Variants in CATSPERD observed in about 807,000 individuals in gnomAD.
CATSPERD encodes cation channel sperm-associated auxiliary subunit delta.
In CATSPERD, 86 loss-of-function variants were observed where a neutral mutation model predicts 98.1. The observed-to-expected ratio is 0.88, with a 90% CI of 0.74 to 1.05. The LOEUF (loss-of-function observed/expected upper bound fraction) is 1.05, where lower values mean the gene tolerates loss of function less well. Ranked by LOEUF, CATSPERD falls within the 50% of genes least tolerant of loss-of-function variation. The probability of loss-of-function intolerance (pLI) is 0.00; values close to 1 mark genes in which losing one functional copy is unlikely to be tolerated. For missense variants in CATSPERD, 995 were observed against 1,005.7 expected (o/e 0.99, Z 0.14); for synonymous variants, 394 against 390.2 (o/e 1.01, Z -0.12).
chr19:5,725,387 G>T (rs1453244686), intron 2 of CATSPERD, among the ~76,000 whole-genome samples: 3 of 152,072 alleles, frequency 2.0e-5, no homozygotes, highest in African/African-American at 7.2e-5. Context: ...CTGGACTTAA[G>T]TAACCTACCT....
At chr19:5,724,216 G>A (rs761688473) in intron 1 of CATSPERD, among the ~76,000 whole-genome samples, 3 of 151,716 alleles carry the variant, frequency 2.0e-5, no homozygotes, top group Non-Finnish European at 4.4e-5. Context: ...GTGAGCCACC[G>A]CACCTGGCTC....
At chr19:5,753,561 CA>C (rs374878871) in intron 12 of CATSPERD, 46,069 of 308,820 alleles carry the variant, frequency 0.15, 98 homozygotes, top group South Asian at 0.21. Flanking sequence ...GACTCTGTCT[CA>C]AAAAAAAAAA....
At position 5,776,453 on chromosome 19, in the gene CATSPERD, T is replaced by A. The variant is rs2144705680; in HGVS notation, c.2096+138T>A. ...CAGGCCGTCCCCAGGACAAGTGATG[T>A]TTTAAGTTCTGGGTGACATTTGTTC... is the stretch of plus-strand genomic sequence containing the variant. On this transcript the variant is annotated intron_variant, in intron 21 of 21. Coordinates refer to ENST00000381624, the MANE Select transcript of CATSPERD (RefSeq NM_152784.4). 3.3e-6 allele frequency: 3 copies of A among 919,102 alleles called. No individual in the cohort carries two copies. In the East Asian group the frequency reaches 7.9e-5, roughly 24 times the overall value. 56.9% of individuals were successfully genotyped at this position (919,102 alleles called of 1,614,324 possible). A position where few individuals can be genotyped will look rare whatever the true frequency, so the allele number is the denominator to read the frequency against.
Position 5,773,039 on chromosome 19 carries a change from G to A in CATSPERD, c.1941+74G>A, listed in dbSNP as rs1599599862. On this transcript the variant is annotated intron_variant, in intron 20 of 21. Coordinates refer to ENST00000381624, the MANE Select transcript of CATSPERD (RefSeq NM_152784.4). Reference sequence around the variant, plus strand: ...GGGTGGGAGAGTGCGTGAGGACACCGTGCGGCCATGGAACTGAGTATGGAA... The same window carrying A: ...GGGTGGGAGAGTGCGTGAGGACACCATGCGGCCATGGAACTGAGTATGGAA... 43 of 1,440,610 alleles carry A rather than the reference G, an allele frequency of 3.0e-5. No individual in the cohort carries two copies. The East Asian group carries it at 6.0e-4, about 20-fold the overall frequency. 89.2% of individuals were successfully genotyped at this position (1,440,610 alleles called of 1,614,324 possible).
chr19:5,760,793 T>A (rs1010923977), intron 15 of CATSPERD, among the ~76,000 whole-genome samples: 1 of 151,662 alleles, frequency 6.6e-6, no homozygotes, highest in Non-Finnish European at 1.5e-5. Context: ...ACTCAGGAGA[T>A]CCATAGCAAC....
intron 14 of CATSPERD, among the ~76,000 whole-genome samples, chr19:5,758,758 G>T (rs958038945): frequency 4.1e-5 from 6 of 147,666 alleles, no homozygotes; most frequent in Non-Finnish European, 3.0e-5. Flanking sequence ...AAAAAGAGAA[G>T]AAAAAAAAGG....
chr19:5,765,794 A>G (rs2056527499), intron 16 of CATSPERD, among the ~76,000 whole-genome samples: 1 of 152,110 alleles, frequency 6.6e-6, no homozygotes, highest in Non-Finnish European at 1.5e-5. Context: ...CCTGGGTGAC[A>G]GAGCAAAAAC....
intron 1 of CATSPERD, among the ~76,000 whole-genome samples, chr19:5,723,143 C>T (rs1239068003): frequency 3.4e-5 from 5 of 146,502 alleles, no homozygotes; most frequent in South Asian, 4.4e-4. Context: ...GCTGAGATCG[C>T]GCCACTGCAC....
At chr19:5,739,851 A>AAAAGAAAAAAAAG (rs1301984788) in intron 7 of CATSPERD, among the ~76,000 whole-genome samples, 1 of 151,718 alleles carries the variant, frequency 6.6e-6, no homozygotes, top group South Asian at 2.1e-4. Flanking sequence ...AAAAAAAAAA[A>AAAAGAAAAAAAAG]AAGTCCACTG....
Position 5,750,829 on chromosome 19 carries a change from C to T in CATSPERD, c.988-818C>T, listed in dbSNP as rs117612549. On this transcript the variant is annotated intron_variant, in intron 11 of 21. Transcript: ENST00000381624. ...CTTATGACTGTGTTTCCTCCCTCCC[C>T]CAGCCCTCTCTCCCTTCTTTCCTTT... Among the ~76,000 whole-genome samples the T allele has an allele frequency of 1.0e-2, 1,521 of 152,154 alleles. 14 individuals are homozygous for T. The highest frequency in any genetic ancestry group is 0.037 in the Middle Eastern group (11 of 294).
intron 1 of CATSPERD, among the ~76,000 whole-genome samples, chr19:5,721,307 C>T (rs376848109): frequency 6.6e-6 from 1 of 151,984 alleles, no homozygotes; most frequent in Admixed American, 6.6e-5. Context: ...GGGCCTAGCC[C>T]TCCCACTTCT....
intron 9 of CATSPERD, 116 bp from the exon 10 acceptor site, chr19:5,748,044 A>G: frequency 1.3e-6 from 1 of 742,872 alleles, no homozygotes; most frequent in Admixed American, 2.2e-5. Context: ...GAACATCGAA[A>G]GAGCCACTGG....
chr19:5,755,245 C>T (rs928034963), intron 13 of CATSPERD, among the ~76,000 whole-genome samples: 21 of 152,096 alleles, frequency 1.4e-4, no homozygotes, highest in Non-Finnish European at 1.0e-4. Flanking sequence ...GGATGTTTCT[C>T]GATCCAAAAT....
At chr19:5,735,644 T>G (rs1321920808) in intron 5 of CATSPERD, among the ~76,000 whole-genome samples, 2 of 151,944 alleles carry the variant, frequency 1.3e-5, no homozygotes, top group Non-Finnish European at 2.9e-5. Context: ...AGCTAATTTT[T>G]GTATGTTTTT....
In CATSPERD at chr19:5,745,964, T is replaced by G; in HGVS notation, c.709T>G (p.Phe237Val). 1.9e-6 allele frequency: 3 copies of G among 1,614,070 alleles called. No individual in the cohort carries two copies. The highest frequency in any genetic ancestry group is 2.5e-6 in the Non-Finnish European group (3 of 1,179,998). The change falls in exon 9 of 22, where the codon TTT becomes GTT. Residue 237 changes from phenylalanine (F) to valine (V), a missense_variant. Phe to Val is a conservative substitution (Grantham distance 50, BLOSUM62 -1). Around this residue, in one of 3 missense-constraint regions of CATSPERD, gnomAD observed 762 missense variants for 773.7 expected, o/e 0.98. Coordinates refer to ENST00000381624, the MANE Select transcript of CATSPERD (RefSeq NM_152784.4). ...CCTCAACCGGAGTTTCGGGCTGTCT[T>G]TTGACTATAATGGGACTCTAGACAT... ...HPLNRSFGLS[F>V]DYNGTLDILI...
intron 6 of CATSPERD, among the ~76,000 whole-genome samples, chr19:5,739,120 C>T (rs2145727750): frequency 6.6e-6 from 1 of 152,274 alleles, no homozygotes; most frequent in African/African-American, 2.4e-5. Flanking sequence ...CTGCCTCGGC[C>T]TCCCAGAGTG....
rs761727592 is a variant in CATSPERD at position 5,727,254 on chromosome 19, GATT to G, written c.127-11_127-9del. On this transcript the variant is annotated splice_polypyrimidine_tract_variant and intron_variant, in intron 2 of 21. Transcript: ENST00000381624. Reference sequence around the variant, plus strand: ...GTTATTGATATTATTAAGATTTTGTGATTATCTCTCTAGGACCGCCTGTATTTT... The same window carrying G: ...GTTATTGATATTATTAAGATTTTGTGATCTCTCTAGGACCGCCTGTATTTT... The G allele has an allele frequency of 5.0e-6, 8 of 1,596,604 alleles. No homozygotes were observed. The African/African-American group carries it at 1.1e-4, about 21-fold the overall frequency.
At chr19:5,756,642 G>A (rs1431751891) in intron 13 of CATSPERD, among the ~76,000 whole-genome samples, 3 of 151,958 alleles carry the variant, frequency 2.0e-5, no homozygotes, top group East Asian at 1.9e-4. Context: ...TGGTAGGTTA[G>A]GTATATTAAA....
chr19:5,768,255 C>G lies in CATSPERD; in HGVS notation c.1634+13C>G. 2.5e-6 allele frequency: 4 copies of G among 1,608,628 alleles called. No homozygotes were observed. Among genetic ancestry groups the G allele is most frequent in the Non-Finnish European group, 1.7e-6 (2 of 1,176,282 alleles). ...TCATCATCGAGAAGTAAGCCAGCGT[C>G]CCCCCGCAACACCTGACACCCAAGG... On this transcript the variant is annotated intron_variant, in intron 18 of 21. Coordinates refer to ENST00000381624, the MANE Select transcript of CATSPERD (RefSeq NM_152784.4).
Sources: allele counts gnomAD v4.1 joint callset (sites outside exome capture counted in the v4.1 genomes callset), GRCh38; gene constraint gnomAD v4.1.1; regional missense constraint gnomAD v4.1.1; transcripts MANE v1.5; gene names NCBI Gene and HGNC (gene_info 2026-07-23, HGNC 2026-07-21).